CACNA2D4: variants seen among roughly 807,000 people sequenced by gnomAD.
CACNA2D4 encodes voltage-dependent calcium channel subunit alpha-2/delta-4.
A neutral mutation model predicts 163.8 loss-of-function variants in CACNA2D4; 157 were observed. The ratio of observed to expected loss-of-function variants is 0.96; its 90% CI spans 0.84 to 1.09. CACNA2D4 has a LOEUF of 1.09. Among genes scored for constraint, CACNA2D4 ranks in the 50% least tolerant of loss-of-function variants. The pLI is 0.00. For missense variants in CACNA2D4, 1,410 were observed against 1,479.9 expected, an observed-to-expected ratio of 0.95 and a Z score of 0.78; for synonymous variants, 598 against 586.9, an observed-to-expected ratio of 1.02 and a Z score of -0.27.
In CACNA2D4 at chr12:1,833,974, C is replaced by T. The variant is rs139421410; in HGVS notation, c.2551+6765G>A. ...CCGTTTGGCCTGGGAGAGGACAGGCCGGATGGAAGTGGCTGCGTGCTTCTC... is the reference window on the plus strand; with the variant it reads ...CCGTTTGGCCTGGGAGAGGACAGGCTGGATGGAAGTGGCTGCGTGCTTCTC... On this transcript the variant is annotated intron_variant, in intron 26 of 37. Transcript: ENST00000382722. The surrounding 1 kb of genome is among the most constrained non-coding windows in gnomAD (Gnocchi z 4.2). Among the ~76,000 whole-genome samples the T allele has an allele frequency of 9.9e-5, 15 of 152,164 alleles. No individual in the cohort carries two copies. In the East Asian group the frequency reaches 2.7e-3, roughly 27 times the overall value.
chr12:1,825,541 T>C (rs1420106384), intron 26 of CACNA2D4, among the ~76,000 whole-genome samples: 1 of 152,232 alleles, frequency 6.6e-6, no homozygotes, highest in Non-Finnish European at 1.5e-5. Flanking sequence ...GGCATCTCAC[T>C]CAGCTGCCTG....
intron 26 of CACNA2D4, among the ~76,000 whole-genome samples, chr12:1,817,911 C>T (rs1184847630): frequency 1.3e-5 from 2 of 152,060 alleles, no homozygotes; most frequent in Non-Finnish European, 2.9e-5. Context: ...ACCACCCCGT[C>T]TGGGAAGTGA....
chr12:1,882,710 G>A (rs1866033003), intron 13 of CACNA2D4, among the ~76,000 whole-genome samples, 157 bp downstream of exon 13: 1 of 152,148 alleles, frequency 6.6e-6, no homozygotes, highest in East Asian at 1.9e-4. Flanking sequence ...AAAAGAGGAG[G>A]AAAAGCATGG....
intron 6 of CACNA2D4, among the ~76,000 whole-genome samples, chr12:1,895,690 A>G (rs181381748): frequency 1.3e-5 from 2 of 152,136 alleles, no homozygotes; most frequent in African/African-American, 2.4e-5. Flanking sequence ...CTGGAGTGCA[A>G]TGGCGTGCAA....
chr12:1,814,790 T>C (rs975426702), intron 26 of CACNA2D4, among the ~76,000 whole-genome samples: 4 of 152,196 alleles, frequency 2.6e-5, no homozygotes, highest in Non-Finnish European at 4.4e-5. Flanking sequence ...GCATCCTGCC[T>C]CTCTCTGATC....
At chr12:1,860,072 T>G in intron 19 of CACNA2D4, 73 bp downstream of exon 19, 3 of 1,255,264 alleles carry the variant, frequency 2.4e-6, no homozygotes, top group Non-Finnish European at 3.5e-6. Flanking sequence ...ACCACAAAAT[T>G]GCCAACTAAA....
At chr12:1,839,231 C>G (rs934780617) in intron 26 of CACNA2D4, among the ~76,000 whole-genome samples, 2 of 152,222 alleles carry the variant, frequency 1.3e-5, no homozygotes, top group African/African-American at 4.8e-5. Context: ...AAGGCAGGTG[C>G]CTGCCAGCTG....
chr12:1,838,770 G>A (rs569767046), intron 26 of CACNA2D4, among the ~76,000 whole-genome samples: 1 of 152,204 alleles, frequency 6.6e-6, no homozygotes, highest in African/African-American at 2.4e-5. Flanking sequence ...ACCTTCAGGT[G>A]TACAGGAGCT....
intron 6 of CACNA2D4, among the ~76,000 whole-genome samples, chr12:1,902,575 A>G (rs996932654): frequency 1.3e-5 from 2 of 152,088 alleles, no homozygotes; most frequent in Non-Finnish European, 2.9e-5. Context: ...CCAACAGCAA[A>G]CAATCTGAAA....
At chr12:1,894,628 A>AGAC (rs1565733697) in intron 6 of CACNA2D4, among the ~76,000 whole-genome samples, 2 of 151,960 alleles carry the variant, frequency 1.3e-5, no homozygotes, top group African/African-American at 2.4e-5. Context: ...AAAAGAATGA[A>AGAC]AATAACCATA....
rs1483375928 is a variant in CACNA2D4, at chr12:1,817,335, C to T, written c.2552-5612G>A. Among the ~76,000 whole-genome samples, 4 of 152,284 alleles carry T rather than the reference C, an allele frequency of 2.6e-5. No homozygotes were observed. The East Asian group carries it at 7.7e-4, about 29-fold the overall frequency. ...TCTGGAGTCTGGGTCCCCTGATGCCCAGTCTTGAGCTCTTTCATGTCCTCC... is the reference window on the plus strand; with the variant it reads ...TCTGGAGTCTGGGTCCCCTGATGCCTAGTCTTGAGCTCTTTCATGTCCTCC... On this transcript the variant is annotated intron_variant, in intron 26 of 37. Coordinates refer to ENST00000382722, the MANE Select transcript of CACNA2D4 (RefSeq NM_172364.5).
In CACNA2D4 at chr12:1,847,089, C is replaced by T. The variant is rs183383660; in HGVS notation, c.2247-400G>A. On this transcript the variant is annotated intron_variant, in intron 23 of 37. Transcript: ENST00000382722. ...TACCAGGCACCTCCTGGTCTTACAG[C>T]CCTCCTCATACTTCCCTTCTTACCG... 1.2e-4 allele frequency among the ~76,000 whole-genome samples: 18 copies of T among 152,336 alleles called. No individual in the cohort carries two copies. The East Asian group carries it at 2.9e-3, about 25-fold the overall frequency.
intron 3 of CACNA2D4, among the ~76,000 whole-genome samples, chr12:1,912,518 T>A (rs552959418): frequency 2.0e-5 from 3 of 152,072 alleles, no homozygotes; most frequent in Admixed American, 1.3e-4. Flanking sequence ...TTGGAAGCCA[T>A]GAAGGTGGGT....
At chr12:1,811,622 G>A (rs1345973714) in intron 27 of CACNA2D4, 40 bp downstream of exon 27, 1 of 1,549,628 alleles carries the variant, frequency 6.5e-7, no homozygotes, top group Non-Finnish European at 8.7e-7. Flanking sequence ...GGGGAGCGTG[G>A]TGAGTCCCCA....
chr12:1,907,276 A>G (rs1299248167), intron 6 of CACNA2D4, among the ~76,000 whole-genome samples, 164 bp downstream of exon 6: 1 of 152,194 alleles, frequency 6.6e-6, no homozygotes, highest in African/African-American at 2.4e-5. Context: ...ATATGTGCAT[A>G]TCATGCAGTG....
intron 7 of CACNA2D4, 44 bp downstream of exon 7, chr12:1,886,965 A>G (rs1268925232): frequency 5.5e-6 from 8 of 1,460,364 alleles, no homozygotes; most frequent in Non-Finnish European, 9.4e-7. Flanking sequence ...AAAAGCTATG[A>G]GATAAATACC....
intron 4 of CACNA2D4, among the ~76,000 whole-genome samples, chr12:1,908,440 A>T (rs982539574): frequency 6.6e-6 from 1 of 152,176 alleles, no homozygotes; most frequent in Non-Finnish European, 1.5e-5. Context: ...AGCCTGCGCA[A>T]TCTTGGGGCC....
chr12:1,856,058 T>G lies in CACNA2D4; in HGVS notation c.2106A>C (p.Leu702=). 6.2e-7 allele frequency: 1 copy of G among 1,614,010 alleles called. No individual in the cohort carries two copies. Among genetic ancestry groups the G allele is most frequent in the Non-Finnish European group, 8.5e-7 (1 of 1,179,870 alleles). ...IDPDHRKLSQ[L]EAMIRFLTRK... is the part of the protein sequence containing the mutation. Reference sequence around the variant, plus strand: ...TGGTGAGGAAGCGGATCATGGCCTCTAGCTGGCTGAGCTTCCGGTGGTCTG... The same window carrying G: ...TGGTGAGGAAGCGGATCATGGCCTCGAGCTGGCTGAGCTTCCGGTGGTCTG... Residue 702 remains leucine, a synonymous_variant, in exon 22 of 38, where the codon CTA becomes CTC. Coordinates refer to ENST00000382722, the MANE Select transcript of CACNA2D4 (RefSeq NM_172364.5).
At chr12:1,865,387 G>A (rs567159456) in intron 18 of CACNA2D4, among the ~76,000 whole-genome samples, 1 of 152,342 alleles carries the variant, frequency 6.6e-6, no homozygotes, top group African/African-American at 2.4e-5. Flanking sequence ...TGAGCTGGAC[G>A]CTGTCACGTG....
Sources: gnomAD v4.1 joint callset for allele counts (sites outside exome capture counted in the v4.1 genomes callset) on GRCh38, gnomAD v4.1.1 for gene constraint, Gnocchi (gnomAD v3.1) non-coding constraint, MANE v1.5 for transcripts, NCBI Gene and HGNC (gene_info 2026-07-23, HGNC 2026-07-21) for gene names.